ZNF652: variants seen among roughly 807,000 people sequenced by gnomAD.
ZNF652 encodes zinc finger protein 652.
A neutral mutation model predicts 45.2 loss-of-function variants in ZNF652; 16 were observed. That is an observed-to-expected ratio of 0.35 (90% CI 0.24 to 0.54). The LOEUF (loss-of-function observed/expected upper bound fraction) is 0.54, where lower values mean the gene tolerates loss of function less well. Among genes scored for constraint, ZNF652 ranks in the 20% least tolerant of loss-of-function variants. The probability of loss-of-function intolerance (pLI) is 0.91; values close to 1 mark genes in which losing one functional copy is unlikely to be tolerated. For synonymous variants in ZNF652, 250 were observed against 260.6 expected (o/e 0.96, Z 0.39); for missense variants, 614 against 765.6 (o/e 0.80, Z 2.34).
chr17:49,347,289 G>C (rs2143067105), intron 1 of ZNF652, among the ~76,000 whole-genome samples: 1 of 152,354 alleles, frequency 6.6e-6, no homozygotes, highest in South Asian at 2.1e-4. Flanking sequence ...TTGTGGCCAG[G>C]AGTGGTGGCT....
At chr17:49,339,859 G>C (rs145134940) in intron 1 of ZNF652, among the ~76,000 whole-genome samples, 1 of 152,154 alleles carries the variant, frequency 6.6e-6, no homozygotes, top group Non-Finnish European at 1.5e-5. Context: ...TCAGCCTCCC[G>C]AGTATCTGGG....
intron 1 of ZNF652, among the ~76,000 whole-genome samples, chr17:49,334,889 T>C (rs982703280): frequency 1.3e-5 from 2 of 152,006 alleles, no homozygotes; most frequent in African/African-American, 2.4e-5. Flanking sequence ...CCTAGTTGTA[T>C]GACTCTATTT....
At position 49,312,726 on chromosome 17, in the gene ZNF652, G is replaced by A. The variant is rs779239715; in HGVS notation, c.1020C>T (p.Thr340=). Residue 340 remains threonine (T), a synonymous_variant, in exon 3 of 6, where the codon ACC becomes ACT. Coordinates refer to ENST00000430262, the MANE Select transcript of ZNF652 (RefSeq NM_001145365.3). ...CCATGTGTTTCCGCACATGAGCCAT[G>A]GTATAGAATTTCTTCTCACAAATTT... The part of the protein sequence containing the change: ...SCEICEKKFY[T]MAHVRKHMVA... The A allele has an allele frequency of 1.9e-6, 3 of 1,613,864 alleles. No individual in the cohort carries two copies. The East Asian group carries it at 6.7e-5, about 36-fold the overall frequency.
intron 5 of ZNF652, among the ~76,000 whole-genome samples, chr17:49,308,905 C>T (rs1209343621): frequency 6.6e-6 from 1 of 151,400 alleles, no homozygotes; most frequent in African/African-American, 2.4e-5. Context: ...AAGACGAATA[C>T]TCAACATAAA....
intron 1 of ZNF652, among the ~76,000 whole-genome samples, chr17:49,323,601 T>C (rs2069922271): frequency 6.6e-6 from 1 of 152,184 alleles, no homozygotes; most frequent in South Asian, 2.1e-4. Flanking sequence ...ATGGCAGCTA[T>C]AGTACAAAAT....
At chr17:49,353,987 G>A (rs2070308510) in intron 1 of ZNF652, among the ~76,000 whole-genome samples, 1 of 152,144 alleles carries the variant, frequency 6.6e-6, no homozygotes, top group Non-Finnish European at 1.5e-5. Context: ...GTGATGAAAG[G>A]ATTGAGGAGA....
intron 1 of ZNF652, among the ~76,000 whole-genome samples, chr17:49,326,843 A>C (rs1362872258): frequency 6.6e-6 from 1 of 152,178 alleles, no homozygotes; most frequent in South Asian, 2.1e-4. Flanking sequence ...CTCTGGATCA[A>C]GAAGAGCAAC....
At position 49,294,467 on chromosome 17, in the gene ZNF652, A is replaced by G. The variant is rs1031775292; in HGVS notation, c.*3946T>C. ...TCTTGCTAAAAATAAGAATCCAGTC[A>G]CAAATATATGTGGAAATGAAGCCAC... On this transcript the variant is annotated 3_prime_UTR_variant, in exon 6 of 6. Coordinates refer to ENST00000430262, the MANE Select transcript of ZNF652 (RefSeq NM_001145365.3). 1.3e-5 allele frequency: 2 copies of G among 152,192 alleles called. No individual in the cohort carries two copies. Among genetic ancestry groups the G allele is most frequent in the South Asian group, 4.1e-4 (2 of 4,834 alleles). 9.4% of individuals were successfully genotyped at this position (152,192 alleles called of 1,614,324 possible).
Position 49,329,847 on chromosome 17 carries a change from G to A in ZNF652, c.-258-11864C>T, listed in dbSNP as rs142685360. Among the ~76,000 whole-genome samples, 38 of 152,304 alleles carry A rather than the reference G, an allele frequency of 2.5e-4. No individual in the cohort carries two copies. In the East Asian group the frequency reaches 6.2e-3, roughly 25 times the overall value. ...ACCTAATTACCTTCAAGCATCAACA[G>A]TTTCTACATTTCCATATAAGATAAT... On this transcript the variant is annotated intron_variant, in intron 1 of 5. Transcript: ENST00000430262.
intron 5 of ZNF652, among the ~76,000 whole-genome samples, chr17:49,307,765 G>A (rs1022303080): frequency 1.7e-4 from 26 of 151,798 alleles, no homozygotes; most frequent in Admixed American, 3.9e-4. Flanking sequence ...ACAAACAAAC[G>A]ACAACAACAA....
chr17:49,311,004 A>G (rs1224791505), intron 5 of ZNF652, among the ~76,000 whole-genome samples: 1 of 152,236 alleles, frequency 6.6e-6, no homozygotes, highest in Non-Finnish European at 1.5e-5. Context: ...TAGGAAAATA[A>G]CATGCACATA....
Position 49,317,703 on chromosome 17 carries a change from C to G in ZNF652, c.23G>C (p.Cys8Ser), listed in dbSNP as rs1200586395. The G allele has an allele frequency of 7.5e-6, 12 of 1,595,014 alleles. No individual in the cohort carries two copies. Among genetic ancestry groups the G allele is most frequent in the Non-Finnish European group, 1.0e-5 (12 of 1,165,584 alleles). Residue 8 changes from cysteine to serine, a missense_variant, in exon 2 of 6, where the codon TGT becomes TCT. Transcript: ENST00000430262. MSHTASS[C>S]QELVENCAVH... ...AGCACAGTTTTCAACCAGCTCCTGACAAGAACTGGCTGTGTGGCTCATTGG... is the reference window on the plus strand; with the variant it reads ...AGCACAGTTTTCAACCAGCTCCTGAGAAGAACTGGCTGTGTGGCTCATTGG...
intron 5 of ZNF652, among the ~76,000 whole-genome samples, chr17:49,303,451 GCT>G (rs1194666550): frequency 4.0e-5 from 6 of 151,754 alleles, no homozygotes; most frequent in Non-Finnish European, 7.4e-5. Context: ...CATTGGTCAG[GCT>G]GGTCTCACAC....
intron 1 of ZNF652, among the ~76,000 whole-genome samples, chr17:49,352,613 C>T (rs1226301351): frequency 6.6e-6 from 1 of 152,256 alleles, no homozygotes; most frequent in East Asian, 1.9e-4. Context: ...ACTATATGAC[C>T]TAGCAATCCC....
At chr17:49,326,946 G>A (rs1297651409) in intron 1 of ZNF652, among the ~76,000 whole-genome samples, 2 of 152,042 alleles carry the variant, frequency 1.3e-5, no homozygotes, top group Non-Finnish European at 2.9e-5. Context: ...CCTAGACTTT[G>A]AGCCTGATGC....
intron 5 of ZNF652, among the ~76,000 whole-genome samples, chr17:49,303,230 T>G (rs2069578738): frequency 6.7e-6 from 1 of 148,462 alleles, no homozygotes; most frequent in Non-Finnish European, 1.5e-5. Flanking sequence ...GGGTGATGTT[T>G]TATTCTTTAC....
At chr17:49,307,228 A>C (rs1472564125) in intron 5 of ZNF652, among the ~76,000 whole-genome samples, 2 of 151,082 alleles carry the variant, frequency 1.3e-5, no homozygotes, top group African/African-American at 4.9e-5. Flanking sequence ...TGAGGTCAGG[A>C]GTTTTAGAGC....
intron 1 of ZNF652, among the ~76,000 whole-genome samples, chr17:49,356,868 T>A (rs555710113): frequency 5.1e-4 from 78 of 152,230 alleles, no homozygotes; most frequent in African/African-American, 1.8e-3. Context: ...TGCAACAAAT[T>A]ACAGAATAAT....
chr17:49,320,941 T>C (rs2960165), intron 1 of ZNF652, among the ~76,000 whole-genome samples: 33,993 of 146,228 alleles, frequency 0.23, 4,004 homozygotes, highest in South Asian at 0.33. Flanking sequence ...ACCACGCCTC[T>C]TGGGTTCAAG....
Sources: gnomAD v4.1 joint callset for allele counts (sites outside exome capture counted in the v4.1 genomes callset) on GRCh38, gnomAD v4.1.1 for gene constraint, MANE v1.5 for transcripts, NCBI Gene and HGNC (gene_info 2026-07-23, HGNC 2026-07-21) for gene names.